CDH18: variants seen among roughly 807,000 people sequenced by gnomAD.
CDH18 encodes the protein cadherin-18.
CDH18 carries 31 observed loss-of-function variants against 67.9 expected under a neutral mutation model. That is an observed-to-expected ratio of 0.46 (90% CI 0.34 to 0.62). The LOEUF is 0.62. Ranked by LOEUF, CDH18 falls within the 20% of genes least tolerant of loss-of-function variation. The pLI is 0.01. For missense variants in CDH18, 890 were observed against 975.5 expected (o/e 0.91, Z 1.17); for synonymous variants, 362 against 347.2 (o/e 1.04, Z -0.48).
intron 2 of CDH18, among the ~76,000 whole-genome samples, chr5:19,917,031 C>T (rs557611544): frequency 2.0e-5 from 3 of 152,192 alleles, no homozygotes; most frequent in Non-Finnish European, 2.9e-5. Context: ...TAAATTACTT[C>T]GAAAAAATCT....
At chr5:20,411,398 CAA>C (rs35944483) in intron 1 of CDH18, among the ~76,000 whole-genome samples, 1 of 151,482 alleles carries the variant, frequency 6.6e-6, no homozygotes, top group Non-Finnish European at 1.5e-5. Context: ...ATTATATACA[CAA>C]AAAAAAGTCT....
chr5:19,775,528 C>A (rs763765742), intron 3 of CDH18, among the ~76,000 whole-genome samples: 1 of 151,444 alleles, frequency 6.6e-6, no homozygotes, highest in African/African-American at 2.4e-5. Context: ...AAAGCAGGAG[C>A]GAGAGAAAGA....
intron 5 of CDH18, among the ~76,000 whole-genome samples, chr5:19,667,511 C>T (rs1758139233): frequency 6.9e-6 from 1 of 144,072 alleles, no homozygotes; most frequent in East Asian, 2.0e-4. Context: ...TATATATACA[C>T]ACACACACAC....
At chr5:19,968,780 T>C (rs1409033774) in intron 2 of CDH18, among the ~76,000 whole-genome samples, 8 of 144,408 alleles carry the variant, frequency 5.5e-5, no homozygotes, top group Non-Finnish European at 1.0e-4. Context: ...GACATAGGCA[T>C]GGGCAAGGAC....
At chr5:20,177,803 G>A (rs1737359079) in intron 2 of CDH18, among the ~76,000 whole-genome samples, 1 of 151,974 alleles carries the variant, frequency 6.6e-6, no homozygotes, top group Non-Finnish European at 1.5e-5. Flanking sequence ...AAATCTGATG[G>A]TTTGACAAAG....
chr5:19,690,492 TCAAC>T (rs1019380834), intron 5 of CDH18, among the ~76,000 whole-genome samples: 3 of 151,248 alleles, frequency 2.0e-5, no homozygotes, highest in African/African-American at 7.3e-5. Flanking sequence ...TAACACAAAG[TCAAC>T]CAAATGAAAA....
chr5:19,813,228 G>C (rs1285795662), intron 3 of CDH18, among the ~76,000 whole-genome samples: 1 of 151,938 alleles, frequency 6.6e-6, no homozygotes, highest in Non-Finnish European at 1.5e-5. Context: ...ACAATGGCAT[G>C]TGTATATTTA....
At chr5:20,025,367 A>G (rs1738803403) in intron 2 of CDH18, among the ~76,000 whole-genome samples, 1 of 152,220 alleles carries the variant, frequency 6.6e-6, no homozygotes, top group African/African-American at 2.4e-5. Flanking sequence ...ATAATCAATA[A>G]TTACAACTTT....
intron 3 of CDH18, among the ~76,000 whole-genome samples, chr5:19,817,746 A>G (rs1779444079): frequency 6.6e-6 from 1 of 152,022 alleles, no homozygotes; most frequent in Non-Finnish European, 1.5e-5. Context: ...TGATCCCAAG[A>G]CATGTATGAT....
chr5:20,244,836 T>C (rs1743254307), intron 2 of CDH18, among the ~76,000 whole-genome samples: 1 of 152,098 alleles, frequency 6.6e-6, no homozygotes, highest in South Asian at 2.1e-4. Flanking sequence ...ATAAAGATCC[T>C]AGTGAAACAA....
At chr5:19,538,695 T>C (rs976571996) in intron 9 of CDH18, among the ~76,000 whole-genome samples, 2 of 152,108 alleles carry the variant, frequency 1.3e-5, no homozygotes, top group South Asian at 2.1e-4. Context: ...TCTATTGATA[T>C]CTTGTATGAC....
chr5:19,531,077 C>T (rs1748539807), intron 9 of CDH18, among the ~76,000 whole-genome samples: 1 of 152,104 alleles, frequency 6.6e-6, no homozygotes, highest in Non-Finnish European at 1.5e-5. Context: ...CGGAGCTGTT[C>T]CTATTTGGCC....
At chr5:19,488,185 A>T (rs1561175877) in intron 11 of CDH18, among the ~76,000 whole-genome samples, 1 of 152,328 alleles carries the variant, frequency 6.6e-6, no homozygotes, top group South Asian at 2.1e-4. Flanking sequence ...ATTTAAAATA[A>T]GGCATGTCTT....
At chr5:20,118,689 A>C (rs1209418183) in intron 2 of CDH18, among the ~76,000 whole-genome samples, 1 of 152,116 alleles carries the variant, frequency 6.6e-6, no homozygotes. Flanking sequence ...TCTGTCTTTA[A>C]ACATGTGATT....
intron 3 of CDH18, among the ~76,000 whole-genome samples, chr5:19,785,679 AATATATATATATATATATATATATATAT>A (rs869169879): frequency 7.1e-5 from 2 of 28,150 alleles, no homozygotes; most frequent in African/African-American, 1.4e-4. Context: ...AAAAAAAAAA[AATATATATATATATATATATATATATAT>A]ATATATATAT....
rs564545350 is a variant in CDH18, at chr5:19,500,757, T to C, written c.1630+2235A>G. On this transcript the variant is annotated intron_variant, in intron 11 of 12. Transcript: ENST00000382275. ...AAACTCTTTTAAAAGCATGTACATA[T>C]TTTTTAGGGGAAAACCTATATATGA... Among the ~76,000 whole-genome samples, 81 of 152,298 alleles carry C rather than the reference T, an allele frequency of 5.3e-4. 1 individual carries two copies. The highest frequency in any genetic ancestry group is 9.8e-4 in the Non-Finnish European group (67 of 68,026).
intron 1 of CDH18, among the ~76,000 whole-genome samples, chr5:20,485,699 G>C (rs545486459): frequency 6.6e-6 from 1 of 150,626 alleles, no homozygotes; most frequent in East Asian, 1.9e-4. Flanking sequence ...TCAGGCTCAT[G>C]GGTGAAAAAA....
chr5:19,681,003 G>C (rs1293471514), intron 5 of CDH18, among the ~76,000 whole-genome samples: 1 of 151,904 alleles, frequency 6.6e-6, no homozygotes, highest in Admixed American at 6.6e-5. Flanking sequence ...CGATGACGTG[G>C]AATCAACCTA....
rs151039796 is a variant in CDH18 at position 19,984,137 on chromosome 5, T to A, written c.-375-2959A>T. Among the ~76,000 whole-genome samples the A allele has an allele frequency of 2.1e-3, 326 of 152,194 alleles. 1 individual carries two copies. Among genetic ancestry groups the A allele is most frequent in the African/African-American group, 7.3e-3 (303 of 41,570 alleles). Reference sequence around the variant, plus strand: ...ACATATAATATTATGAAATTGTATTTATTTTATTTAAATATATATTTGTGC... The same window carrying A: ...ACATATAATATTATGAAATTGTATTAATTTTATTTAAATATATATTTGTGC... On this transcript the variant is annotated intron_variant, in intron 1 of 12. Coordinates refer to ENST00000382275, the MANE Select transcript of CDH18 (RefSeq NM_004934.5).
Sources: gnomAD v4.1 joint callset for allele counts (sites outside exome capture counted in the v4.1 genomes callset) on GRCh38, gnomAD v4.1.1 for gene constraint, MANE v1.5 for transcripts, NCBI Gene and HGNC (gene_info 2026-07-23, HGNC 2026-07-21) for gene names.